CSMD1: variants seen among roughly 807,000 people sequenced by gnomAD.
CSMD1 encodes the protein CUB and Sushi multiple domains 1.
CSMD1 carries 213 observed loss-of-function variants against 417.5 expected under a neutral mutation model. That is an observed-to-expected ratio of 0.51 (90% CI 0.46 to 0.57). The LOEUF (loss-of-function observed/expected upper bound fraction) is 0.57, where lower values mean the gene tolerates loss of function less well. Ranked by LOEUF, CSMD1 falls within the 20% of genes least tolerant of loss-of-function variation. The pLI, the probability that CSMD1 is intolerant of heterozygous loss-of-function variation, is 0.00. For missense variants in CSMD1, 6,923 were observed against 4,529.7 expected (o/e 1.53, Z -15.17); for synonymous variants, 2,862 against 1,736.8 (o/e 1.65, Z -16.11).
At chr8:3,954,248 G>A (rs775836128) in intron 5 of CSMD1, among the ~76,000 whole-genome samples, 93 of 152,336 alleles carry the variant, frequency 6.1e-4, no homozygotes, top group South Asian at 1.0e-3. Flanking sequence ...AGCAGGAGTG[G>A]AAGTTTATTT....
Position 3,024,296 on chromosome 8 carries a change from T to TGG in CSMD1, c.7855+5021_7855+5022dup, listed in dbSNP as rs201472239. ...AATGTTTACATTTTGAGGTTTTTTT[T>TGG]GGGGGGGGAGGGCAGTGGGGGAGGT... On this transcript the variant is annotated intron_variant, in intron 51 of 69. Coordinates refer to ENST00000635120, the MANE Select transcript of CSMD1 (RefSeq NM_033225.6). 2.4e-3 allele frequency among the ~76,000 whole-genome samples: 236 copies of TGG among 96,598 alleles called. 1 individual carries two copies. The highest frequency in any genetic ancestry group is 8.0e-3 in the African/African-American group (223 of 27,926). The allele number at this position is 96,598 out of a possible 152,430, so 63.4% of individuals were successfully genotyped here.
intron 5 of CSMD1, among the ~76,000 whole-genome samples, chr8:3,885,176 T>C (rs780616022): frequency 2.0e-5 from 3 of 152,060 alleles, no homozygotes; most frequent in Non-Finnish European, 2.9e-5. Context: ...TTGAGTTTAT[T>C]AAGAGACATT....
chr8:4,727,638 C>T (rs368218514), intron 1 of CSMD1, among the ~76,000 whole-genome samples: 29 of 152,020 alleles, frequency 1.9e-4, no homozygotes, highest in South Asian at 8.3e-4. Context: ...TGATCTGGTT[C>T]CCACTTGAAA....
At chr8:4,480,227 T>C (rs1801023019) in intron 2 of CSMD1, among the ~76,000 whole-genome samples, 1 of 151,030 alleles carries the variant, frequency 6.6e-6, no homozygotes, top group South Asian at 2.1e-4. Flanking sequence ...AGGAAATTAC[T>C]GCTGTAAGGA....
At chr8:4,100,362 C>T (rs1211224498) in intron 3 of CSMD1, among the ~76,000 whole-genome samples, 1 of 152,180 alleles carries the variant, frequency 6.6e-6, no homozygotes, top group Non-Finnish European at 1.5e-5. Context: ...GGCAGCATTC[C>T]TCCACCACCC....
At chr8:3,830,298 G>A (rs535546045) in intron 5 of CSMD1, among the ~76,000 whole-genome samples, 69 of 152,300 alleles carry the variant, frequency 4.5e-4, no homozygotes, top group African/African-American at 1.6e-3. Context: ...TGGCTCTGGG[G>A]CAAACTAAGC....
At chr8:3,505,485 G>A (rs1051738005) in intron 10 of CSMD1, among the ~76,000 whole-genome samples, 1 of 152,228 alleles carries the variant, frequency 6.6e-6, no homozygotes, top group African/African-American at 2.4e-5. Context: ...TGAGAAGGAA[G>A]ATAAAAGTGC....
intron 5 of CSMD1, among the ~76,000 whole-genome samples, chr8:3,873,828 T>C (rs1805641846): frequency 6.6e-6 from 1 of 152,084 alleles, no homozygotes. Context: ...GGTCACGGTG[T>C]TTGTAGTTTC....
chr8:3,498,368 C>A (rs1179256647), intron 10 of CSMD1, among the ~76,000 whole-genome samples: 3 of 152,116 alleles, frequency 2.0e-5, no homozygotes, highest in African/African-American at 4.8e-5. Flanking sequence ...ATATCCATCA[C>A]CTCAAATAAT....
intron 12 of CSMD1, among the ~76,000 whole-genome samples, chr8:3,411,067 C>A (rs1563359940): frequency 6.6e-6 from 1 of 152,096 alleles, no homozygotes; most frequent in African/African-American, 2.4e-5. Flanking sequence ...GGAGGCCCTG[C>A]CTGTTGGGCT....
chr8:3,615,581 C>T (rs991464551), intron 8 of CSMD1, among the ~76,000 whole-genome samples: 26 of 152,070 alleles, frequency 1.7e-4, no homozygotes, highest in African/African-American at 6.3e-4. Flanking sequence ...AACAATATAC[C>T]ATTTTACCAA....
chr8:3,981,922 G>C (rs906885228), intron 5 of CSMD1, among the ~76,000 whole-genome samples: 1 of 151,932 alleles, frequency 6.6e-6, no homozygotes, highest in African/African-American at 2.4e-5. Flanking sequence ...CTGTAATCCC[G>C]GCACTTTGGG....
intron 4 of CSMD1, among the ~76,000 whole-genome samples, chr8:4,027,128 T>A (rs1177894549): frequency 6.6e-6 from 1 of 152,222 alleles, no homozygotes; most frequent in African/African-American, 2.4e-5. Context: ...AGCTTTACAC[T>A]CATGTTGGGT....
chr8:4,408,212 A>G (rs1426463744), intron 3 of CSMD1, among the ~76,000 whole-genome samples: 1 of 152,240 alleles, frequency 6.6e-6, no homozygotes, highest in Admixed American at 6.5e-5. Flanking sequence ...GACAGGCCCC[A>G]GGCCATTCCT....
chr8:4,975,442 G>A (rs1372008005), intron 1 of CSMD1, among the ~76,000 whole-genome samples: 1 of 152,154 alleles, frequency 6.6e-6, no homozygotes, highest in East Asian at 1.9e-4. Context: ...AACCTTCTAA[G>A]TATGTATTCA....
At chr8:4,884,881 G>C (rs935114746) in intron 1 of CSMD1, among the ~76,000 whole-genome samples, 1 of 152,026 alleles carries the variant, frequency 6.6e-6, no homozygotes, top group Non-Finnish European at 1.5e-5. Context: ...TTTAGGGTCA[G>C]CTTATCAATT....
chr8:4,320,562 T>A (rs984520362), intron 3 of CSMD1, among the ~76,000 whole-genome samples: 27 of 151,870 alleles, frequency 1.8e-4, no homozygotes, highest in Non-Finnish European at 7.4e-5. Context: ...CCTGTGTCCA[T>A]GTGTTCTCTT....
intron 10 of CSMD1, among the ~76,000 whole-genome samples, chr8:3,510,282 A>C (rs1327418680): frequency 6.6e-6 from 1 of 151,450 alleles, no homozygotes; most frequent in African/African-American, 2.4e-5. Flanking sequence ...CAGGCTTCTC[A>C]CTCCACATGG....
chr8:4,297,008 G>A (rs1020973699), intron 3 of CSMD1, among the ~76,000 whole-genome samples: 2 of 152,104 alleles, frequency 1.3e-5, no homozygotes, highest in African/African-American at 4.8e-5. Flanking sequence ...GACAGGAATA[G>A]GAAGTGCTGG....
Sources: allele counts gnomAD v4.1 joint callset (sites outside exome capture counted in the v4.1 genomes callset), GRCh38; gene constraint gnomAD v4.1.1; transcripts MANE v1.5; gene names NCBI Gene and HGNC (gene_info 2026-07-23, HGNC 2026-07-21).